The following WASHC4 variants were observed in gnomAD, a reference collection of about 807,000 sequenced individuals.
WASHC4 encodes the protein WASH complex subunit 7.
A neutral mutation model predicts 166.6 loss-of-function variants in WASHC4; 86 were observed. The observed-to-expected ratio is 0.52, with a 90% CI of 0.43 to 0.62. The LOEUF is 0.62. Ranked by LOEUF, WASHC4 falls within the 20% of genes least tolerant of loss-of-function variation. The pLI, the probability that WASHC4 is intolerant of heterozygous loss-of-function variation, is 0.00. For synonymous variants in WASHC4, 446 were observed against 451.6 expected (o/e 0.99, Z 0.16); for missense variants, 1,262 against 1,382.4 (o/e 0.91, Z 1.38).
chr12:105,132,787 A>AGT (rs58569487), intron 13 of WASHC4, among the ~76,000 whole-genome samples: 6,261 of 142,398 alleles, frequency 0.044, 207 homozygotes, highest in African/African-American at 0.09. Flanking sequence ...TGAAAGAGGT[A>AGT]GTGTGTGTGT....
intron 1 of WASHC4, among the ~76,000 whole-genome samples, chr12:105,109,943 TTGAC>T (rs1879503332): frequency 6.6e-6 from 1 of 152,220 alleles, no homozygotes; most frequent in South Asian, 2.1e-4. Flanking sequence ...AAATGCAGCT[TTGAC>T]TGGTCATTTC....
At chr12:105,155,395 G>GT (rs11437256) in intron 26 of WASHC4, among the ~76,000 whole-genome samples, 152,185 of 152,194 alleles carry the variant, frequency 1, 76,088 homozygotes, top group Middle Eastern at 1. Flanking sequence ...GCCCTGATTC[G>GT]TTCACATTTT....
At chr12:105,118,055 C>CA (rs993243821) in intron 6 of WASHC4, among the ~76,000 whole-genome samples, 1 of 152,202 alleles carries the variant, frequency 6.6e-6, no homozygotes, top group Non-Finnish European at 1.5e-5. Context: ...TGAGCTCCTT[C>CA]ACTCACTCAG....
intron 15 of WASHC4, among the ~76,000 whole-genome samples, chr12:105,139,425 G>GTGTGTGTGTGTATATA: frequency 3.5e-4 from 36 of 103,220 alleles, no homozygotes; most frequent in African/African-American, 1.2e-3. Context: ...ATGTGTGTGT[G>GTGTGTGTGTGTATATA]TATATATATA....
chr12:105,164,563 A>G (rs1025588269), intron 31 of WASHC4, 78 bp from the exon 32 acceptor site: 50 of 1,029,096 alleles, frequency 4.9e-5, no homozygotes, highest in East Asian at 3.4e-4. Flanking sequence ...AATAAGAGGC[A>G]TAAAAATGCA....
At position 105,165,304 on chromosome 12, in the gene WASHC4, G is replaced by A. The variant is rs539434481; in HGVS notation, c.3454+564G>A. Among the ~76,000 whole-genome samples, 3 of 152,280 alleles carry A rather than the reference G, an allele frequency of 2.0e-5. No individual in the cohort carries two copies. In the South Asian group the frequency reaches 6.2e-4, roughly 32 times the overall value. On this transcript the variant is annotated intron_variant, in intron 32 of 32. Coordinates refer to ENST00000332180, the MANE Select transcript of WASHC4 (RefSeq NM_015275.3). The stretch of plus-strand genomic sequence containing the variant: ...ATTCTGTCCATTGTATTCTATGTAG[G>A]ATGGTGGAAAGGAATCTATACTTTT...
chr12:105,139,425 G>GTGTGTGTATATATATATATA, intron 15 of WASHC4, among the ~76,000 whole-genome samples: 5 of 103,224 alleles, frequency 4.8e-5, no homozygotes, highest in African/African-American at 1.8e-4. Context: ...ATGTGTGTGT[G>GTGTGTGTATATATATATATA]TATATATATA....
intron 25 of WASHC4, 61 bp from the exon 26 acceptor site, chr12:105,152,282 T>TG (rs1188591988): frequency 1.2e-6 from 1 of 826,994 alleles, no homozygotes; most frequent in Non-Finnish European, 2.1e-6. Flanking sequence ...ATGGTTTATT[T>TG]GGGAGGCATT....
intron 10 of WASHC4, among the ~76,000 whole-genome samples, chr12:105,122,990 A>G (rs1880915391): frequency 6.6e-6 from 1 of 152,158 alleles, no homozygotes; most frequent in Non-Finnish European, 1.5e-5. Context: ...AAAGCTAGAC[A>G]TGGTTAAGCT....
intron 14 of WASHC4, among the ~76,000 whole-genome samples, chr12:105,135,691 T>C (rs1208032448): frequency 2.6e-5 from 1 of 37,776 alleles, no homozygotes; most frequent in Non-Finnish European, 4.2e-5. Context: ...CATCTGTCTC[T>C]AATCAATTCA....
intron 13 of WASHC4, among the ~76,000 whole-genome samples, chr12:105,128,114 C>G (rs769296062): frequency 3.3e-5 from 5 of 152,104 alleles, no homozygotes; most frequent in African/African-American, 4.8e-5. Flanking sequence ...GGATACTTAC[C>G]TACTTTCTGT....
chr12:105,156,855 A>G, intron 27 of WASHC4, 63 bp downstream of exon 27: 1 of 1,154,710 alleles, frequency 8.7e-7, no homozygotes, highest in South Asian at 1.2e-5. Context: ...TCCATTAAAT[A>G]TATGTTACAA....
chr12:105,150,488 A>C (rs1883657531), intron 25 of WASHC4, among the ~76,000 whole-genome samples: 1 of 152,242 alleles, frequency 6.6e-6, no homozygotes, highest in East Asian at 1.9e-4. Context: ...GATAATTTAT[A>C]CGAATGCTGC....
intron 10 of WASHC4, among the ~76,000 whole-genome samples, chr12:105,123,539 A>G (rs1163854794): frequency 2.0e-5 from 3 of 152,270 alleles, no homozygotes; most frequent in Non-Finnish European, 4.4e-5. Flanking sequence ...AGCCTAATCC[A>G]GAGCAAGGCT....
intron 2 of WASHC4, among the ~76,000 whole-genome samples, chr12:105,112,417 T>C (rs1028122443): frequency 6.6e-6 from 1 of 152,194 alleles, no homozygotes; most frequent in Non-Finnish European, 1.5e-5. Context: ...ATTGTGTGTA[T>C]ATTTTATACA....
At chr12:105,126,413 G>T in intron 12 of WASHC4, 51 bp downstream of exon 12, 1 of 1,352,710 alleles carries the variant, frequency 7.4e-7, no homozygotes, top group South Asian at 1.3e-5. Flanking sequence ...AAAGATTGCA[G>T]ATAAAACTAA....
chr12:105,127,055 T>G, intron 12 of WASHC4, 74 bp from the exon 13 acceptor site: 1 of 1,240,544 alleles, frequency 8.1e-7, no homozygotes, highest in Non-Finnish European at 1.2e-6. Context: ...TCCATGTGTA[T>G]TATAGAACTT....
intron 26 of WASHC4, among the ~76,000 whole-genome samples, chr12:105,154,767 G>C (rs960572758): frequency 2.0e-5 from 3 of 152,156 alleles, no homozygotes; most frequent in African/African-American, 7.2e-5. Context: ...AACCCAGGTG[G>C]CCTGGCTTCA....
At position 105,146,907 on chromosome 12, in the gene WASHC4, C is replaced by A. The variant is rs376282296; in HGVS notation, c.2410-135C>A. On this transcript the variant is annotated intron_variant, in intron 23 of 32. Coordinates refer to ENST00000332180, the MANE Select transcript of WASHC4 (RefSeq NM_015275.3). ...CAGATTTTCGGATTAAGGATACTCA[C>A]CTGTACTGTCTTGATTGCATTTTCA... 1.6e-3 allele frequency: 1,124 copies of A among 702,810 alleles called. 19 individuals carry two copies. The South Asian group carries it at 0.016, about 10-fold the overall frequency. 43.5% of individuals were successfully genotyped at this position (702,810 alleles called of 1,614,324 possible).
Sources: allele counts gnomAD v4.1 joint callset (sites outside exome capture counted in the v4.1 genomes callset), GRCh38; gene constraint gnomAD v4.1.1; transcripts MANE v1.5; gene names NCBI Gene and HGNC (gene_info 2026-07-23, HGNC 2026-07-21).